DLGAP1: variants seen among roughly 807,000 people sequenced by gnomAD.
DLGAP1 encodes DLG associated protein 1.
A neutral mutation model predicts 90.8 loss-of-function variants in DLGAP1; 11 were observed. The observed-to-expected ratio is 0.12, with a 90% CI of 0.08 to 0.20. The LOEUF (loss-of-function observed/expected upper bound fraction) is 0.20, where lower values mean the gene tolerates loss of function less well. Among genes scored for constraint, DLGAP1 ranks in the 10% least tolerant of loss-of-function variants. The pLI, the probability that DLGAP1 is intolerant of heterozygous loss-of-function variation, is 1.00. For missense variants in DLGAP1, 1,050 were observed against 1,333.8 expected (o/e 0.79, Z 3.31); for synonymous variants, 558 against 540.7 (o/e 1.03, Z -0.44).
At chr18:3,902,468 T>G (rs1238650302) in intron 3 of DLGAP1, among the ~76,000 whole-genome samples, 2 of 152,188 alleles carry the variant, frequency 1.3e-5, no homozygotes, top group Non-Finnish European at 2.9e-5. Flanking sequence ...ATACAGTAGG[T>G]GCTCAATAAA....
intron 3 of DLGAP1, chr18:3,897,019 C>G (rs1255696611): frequency 6.6e-6 from 1 of 152,262 alleles, no homozygotes; most frequent in Non-Finnish European, 1.5e-5. Context: ...CATTTCTACA[C>G]CGCTGTCCAT....
chr18:4,380,928 A>G lies in DLGAP1; in HGVS notation c.-267+74078T>C, dbSNP rs573810974. 6.2e-4 allele frequency among the ~76,000 whole-genome samples: 95 copies of G among 152,142 alleles called. 1 individual carries two copies. Among genetic ancestry groups the G allele is most frequent in the Non-Finnish European group, 1.1e-3 (75 of 67,996 alleles). ...ATACATGTGACTTCCCTCCCTATTG[A>G]CCTGATTAAAGCAGATGTATTACAG... On this transcript the variant is annotated intron_variant, in intron 1 of 12. Coordinates refer to ENST00000315677, the MANE Select transcript of DLGAP1 (RefSeq NM_004746.4).
chr18:4,188,149 A>G (rs2077332165), intron 1 of DLGAP1, among the ~76,000 whole-genome samples: 1 of 152,130 alleles, frequency 6.6e-6, no homozygotes, highest in Non-Finnish European at 1.5e-5. Context: ...TCAAAAATTT[A>G]TGTTACCAAT....
At position 3,826,027 on chromosome 18, in the gene DLGAP1, G is replaced by A. The variant is rs554149562; in HGVS notation, c.958-11754C>T. Among the ~76,000 whole-genome samples, 7 of 152,234 alleles carry A rather than the reference G, an allele frequency of 4.6e-5. No homozygotes were observed. The South Asian group carries it at 8.3e-4, about 18-fold the overall frequency. On this transcript the variant is annotated intron_variant, in intron 4 of 12. Coordinates refer to ENST00000315677, the MANE Select transcript of DLGAP1 (RefSeq NM_004746.4). ...ATCCTAAATGAATTCATGCAGAAAC[G>A]GAAAACCAAATACTGCCTGTTCTCA...
chr18:3,790,140 T>A (rs1204634931), intron 5 of DLGAP1, among the ~76,000 whole-genome samples: 1 of 152,088 alleles, frequency 6.6e-6, no homozygotes, highest in Non-Finnish European at 1.5e-5. Flanking sequence ...CCAAAAAAAA[T>A]TTTAGAATGA....
At chr18:3,837,207 G>A (rs573677245) in intron 4 of DLGAP1, among the ~76,000 whole-genome samples, 1 of 152,256 alleles carries the variant, frequency 6.6e-6, no homozygotes, top group South Asian at 2.1e-4. Flanking sequence ...CCAAGCATAT[G>A]TTATTTTCTT....
At chr18:4,173,999 C>G (rs1168421651) in intron 1 of DLGAP1, among the ~76,000 whole-genome samples, 1 of 152,198 alleles carries the variant, frequency 6.6e-6, no homozygotes, top group African/African-American at 2.4e-5. Flanking sequence ...TACCTGGCCT[C>G]CCTTTCCCTC....
chr18:4,326,377 G>GAAC (rs1215071304), intron 1 of DLGAP1, among the ~76,000 whole-genome samples: 1 of 151,968 alleles, frequency 6.6e-6, no homozygotes, highest in Non-Finnish European at 1.5e-5. Flanking sequence ...CGAGAAAAAC[G>GAAC]AACACTTATA....
chr18:3,545,066 C>T (rs948690633), intron 9 of DLGAP1, among the ~76,000 whole-genome samples: 1 of 151,942 alleles, frequency 6.6e-6, no homozygotes, highest in East Asian at 1.9e-4. Context: ...GTCAGGAGTT[C>T]GAGACCAATC....
intron 1 of DLGAP1, among the ~76,000 whole-genome samples, chr18:4,413,229 C>A (rs1329134856): frequency 6.6e-6 from 1 of 152,110 alleles, no homozygotes; most frequent in Non-Finnish European, 1.5e-5. Flanking sequence ...AGGAGCAGTG[C>A]AGCCCAGAGA....
At chr18:4,204,214 A>G (rs558995220) in intron 1 of DLGAP1, among the ~76,000 whole-genome samples, 1 of 152,346 alleles carries the variant, frequency 6.6e-6, no homozygotes, top group South Asian at 2.1e-4. Flanking sequence ...ATAGGTACTA[A>G]GGAGCAAACT....
intron 5 of DLGAP1, among the ~76,000 whole-genome samples, chr18:3,785,048 C>A (rs1285861454): frequency 2.0e-5 from 3 of 152,176 alleles, no homozygotes; most frequent in Non-Finnish European, 4.4e-5. Context: ...ATGACTGCTT[C>A]CCTTCTCATA....
chr18:3,728,320 A>G (rs1392537755), intron 7 of DLGAP1, among the ~76,000 whole-genome samples: 1 of 93,028 alleles, frequency 1.1e-5, no homozygotes. Flanking sequence ...ATATATATAT[A>G]TATATATACA....
At chr18:4,074,095 C>T (rs2075490250) in intron 2 of DLGAP1, among the ~76,000 whole-genome samples, 1 of 152,064 alleles carries the variant, frequency 6.6e-6, no homozygotes, top group African/African-American at 2.4e-5. Flanking sequence ...TAAAGCTTGA[C>T]ATACTCAAGA....
intron 1 of DLGAP1, among the ~76,000 whole-genome samples, chr18:4,440,566 G>A (rs1279327240): frequency 6.6e-6 from 1 of 152,022 alleles, no homozygotes; most frequent in African/African-American, 2.4e-5. Flanking sequence ...ATTCAAATTT[G>A]GGGGGAGGTC....
At position 3,881,907 on chromosome 18, in the gene DLGAP1, C is replaced by T. The variant is rs143629269; in HGVS notation, c.-72-1767G>A. On this transcript the variant is annotated intron_variant, in intron 3 of 12. Transcript: ENST00000315677. The stretch of plus-strand genomic sequence containing the variant: ...CAGCCTGGGCAACAGAGCAAGACTC[C>T]GTCTGTCTCAGAACAAACAAACAAA... Among the ~76,000 whole-genome samples the T allele has an allele frequency of 2.7e-4, 41 of 151,134 alleles. 1 individual carries two copies. Among genetic ancestry groups the T allele is most frequent in the Admixed American group, 9.8e-4 (15 of 15,274 alleles).
chr18:4,266,085 T>C (rs1323656020), intron 1 of DLGAP1, among the ~76,000 whole-genome samples: 1 of 152,150 alleles, frequency 6.6e-6, no homozygotes, highest in Non-Finnish European at 1.5e-5. Flanking sequence ...ATAATGGAAT[T>C]TGAAATTTGT....
At chr18:4,025,117 G>A (rs776506614) in intron 2 of DLGAP1, among the ~76,000 whole-genome samples, 1 of 152,170 alleles carries the variant, frequency 6.6e-6, no homozygotes, top group Non-Finnish European at 1.5e-5. Context: ...GGAAAGACAA[G>A]TAGAGGAAAT....
chr18:4,011,504 C>T (rs1265932571), intron 2 of DLGAP1, among the ~76,000 whole-genome samples: 6 of 151,858 alleles, frequency 4.0e-5, no homozygotes, highest in South Asian at 2.1e-4. Flanking sequence ...TAGAATGTGG[C>T]GGTGGAGAGG....
Sources: gnomAD v4.1 joint callset for allele counts (sites outside exome capture counted in the v4.1 genomes callset) on GRCh38, gnomAD v4.1.1 for gene constraint, MANE v1.5 for transcripts, NCBI Gene and HGNC (gene_info 2026-07-23, HGNC 2026-07-21) for gene names.